The following PDE4B variants were observed in gnomAD, a reference collection of about 807,000 sequenced individuals.
The protein encoded by PDE4B is 3',5'-cyclic-AMP phosphodiesterase 4B.
Under a neutral mutation model 82.2 loss-of-function variants are expected in PDE4B, and 20 were observed. The observed-to-expected ratio is 0.24, with a 90% confidence interval of 0.17 to 0.35. The LOEUF is 0.35. Among genes scored for constraint, PDE4B ranks in the 10% least tolerant of loss-of-function variants. The pLI is 1.00. For synonymous variants in PDE4B, 320 were observed against 318.9 expected, an observed-to-expected ratio of 1.00 and a Z score of -0.04; for missense variants, 655 against 907.2, an observed-to-expected ratio of 0.72 and a Z score of 3.57.
At chr1:66,152,509 C>T in intron 3 of PDE4B, 1 of 326,210 alleles carries the variant, frequency 3.1e-6, no homozygotes, top group South Asian at 2.5e-5. Flanking sequence ...AGTCATGGTT[C>T]TCCAGAGAAA....
chr1:66,129,464 C>T (rs1228905696), intron 3 of PDE4B, among the ~76,000 whole-genome samples: 11 of 150,936 alleles, frequency 7.3e-5, no homozygotes, highest in Admixed American at 3.3e-4. Context: ...GAGACCATCC[C>T]GGCTAAAACG....
rs1391552194 is a variant in PDE4B, at chr1:66,208,429, G to T, written c.282-39031G>T. Among the ~76,000 whole-genome samples the T allele has an allele frequency of 2.0e-5, 3 of 152,210 alleles. No individual in the cohort carries two copies. The South Asian group carries it at 6.2e-4, about 32-fold the overall frequency. Reference sequence around the variant, plus strand: ...CTAACTGTTCTAGCTACACCAGCCAGTTCTAGAGAGGTACCCATGGAGGTT... The same window carrying T: ...CTAACTGTTCTAGCTACACCAGCCATTTCTAGAGAGGTACCCATGGAGGTT... On this transcript the variant is annotated intron_variant, in intron 3 of 16. Transcript: ENST00000341517.
intron 7 of PDE4B, among the ~76,000 whole-genome samples, chr1:66,279,780 T>TA: frequency 6.6e-6 from 1 of 152,168 alleles, no homozygotes. Context: ...AGGCAGTAAT[T>TA]AATGCTGCAG....
At chr1:66,015,777 T>G (rs1299613169) in intron 3 of PDE4B, among the ~76,000 whole-genome samples, 1 of 151,992 alleles carries the variant, frequency 6.6e-6, no homozygotes. Flanking sequence ...GGGTGTTTGA[T>G]TAGAACTTCT....
At chr1:65,829,841 C>T (rs1279636016) in intron 1 of PDE4B, among the ~76,000 whole-genome samples, 2 of 152,082 alleles carry the variant, frequency 1.3e-5, no homozygotes, top group Admixed American at 6.6e-5. Context: ...GATGTTGGTA[C>T]GATCTCATGT....
chr1:65,875,007 A>G (rs1470652347), intron 1 of PDE4B, among the ~76,000 whole-genome samples: 3 of 150,698 alleles, frequency 2.0e-5, no homozygotes, highest in Non-Finnish European at 4.5e-5. Flanking sequence ...ATCAGAGTGA[A>G]CAGGCAACCT....
chr1:65,967,912 A>G (rs114486701), intron 3 of PDE4B, among the ~76,000 whole-genome samples: 1,762 of 152,138 alleles, frequency 0.012, 34 homozygotes, highest in African/African-American at 0.04. Flanking sequence ...GAGAAATACT[A>G]ATGTAGATAA....
chr1:65,958,824 T>C (rs1025603731), intron 3 of PDE4B, among the ~76,000 whole-genome samples: 13 of 152,342 alleles, frequency 8.5e-5, no homozygotes, highest in African/African-American at 3.1e-4. Flanking sequence ...ACCTGTTTTA[T>C]CTGCAGTTGT....
At chr1:65,895,306 T>C (rs1646896906) in intron 1 of PDE4B, among the ~76,000 whole-genome samples, 1 of 152,054 alleles carries the variant, frequency 6.6e-6, no homozygotes, top group East Asian at 1.9e-4. Context: ...TACCAGCACT[T>C]TGGGGGGCCG....
intron 3 of PDE4B, among the ~76,000 whole-genome samples, chr1:66,066,526 A>C (rs1444638108): frequency 6.6e-6 from 1 of 151,940 alleles, no homozygotes; most frequent in African/African-American, 2.4e-5. Context: ...GCTCTATTGA[A>C]ATGTTAATGC....
Position 66,257,644 on chromosome 1 carries a change from C to G in PDE4B, c.477-3C>G. 1 of 1,613,010 alleles carries G rather than the reference C, an allele frequency of 6.2e-7. No individual in the cohort carries two copies. Among genetic ancestry groups the G allele is most frequent in the Non-Finnish European group, 8.5e-7 (1 of 1,179,180 alleles). On this transcript the variant is annotated splice_polypyrimidine_tract_variant and splice_region_variant and intron_variant, in intron 4 of 16. Coordinates refer to ENST00000341517, the MANE Select transcript of PDE4B (RefSeq NM_002600.4). ...AAAGGTTCTTTTTTTCTCTTTTCAC[C>G]AGACACGGCGATGACTTGATTGTAA...
chr1:66,170,776 A>G (rs761879673), intron 3 of PDE4B, among the ~76,000 whole-genome samples: 8 of 152,200 alleles, frequency 5.3e-5, no homozygotes, highest in Non-Finnish European at 1.2e-4. Context: ...ACATGGAATT[A>G]TGGGTGGTGG....
intron 1 of PDE4B, among the ~76,000 whole-genome samples, chr1:65,848,438 C>T (rs776012333): frequency 7.3e-6 from 1 of 136,678 alleles, no homozygotes; most frequent in Non-Finnish European, 1.6e-5. Context: ...GCCACCACGC[C>T]TGGCCCAGCT....
At chr1:66,314,226 A>C (rs553431627) in intron 7 of PDE4B, among the ~76,000 whole-genome samples, 1 of 152,016 alleles carries the variant, frequency 6.6e-6, no homozygotes, top group African/African-American at 2.4e-5. Context: ...CAGGTTCCCA[A>C]CTCTAGCTAC....
At chr1:66,234,596 A>AT (rs575446195) in intron 3 of PDE4B, among the ~76,000 whole-genome samples, 7 of 151,796 alleles carry the variant, frequency 4.6e-5, no homozygotes, top group Non-Finnish European at 7.4e-5. Context: ...GCCTGGTATA[A>AT]TTTTTTTTAT....
At chr1:65,858,668 C>T (rs1646420497) in intron 1 of PDE4B, among the ~76,000 whole-genome samples, 1 of 151,950 alleles carries the variant, frequency 6.6e-6, no homozygotes, top group Non-Finnish European at 1.5e-5. Flanking sequence ...ACATTTTGGC[C>T]CTTCCTTTCA....
At chr1:66,293,114 C>T (rs1309570416) in intron 7 of PDE4B, among the ~76,000 whole-genome samples, 1 of 152,154 alleles carries the variant, frequency 6.6e-6, no homozygotes. Context: ...CATGGACACA[C>T]TAAAGCATCA....
At chr1:66,237,099 T>A (rs1030571173) in intron 3 of PDE4B, among the ~76,000 whole-genome samples, 1 of 152,196 alleles carries the variant, frequency 6.6e-6, no homozygotes, top group Non-Finnish European at 1.5e-5. Flanking sequence ...TAAGTACAAG[T>A]GGAAAGATTC....
At chr1:66,218,983 C>T (rs1161648605) in intron 3 of PDE4B, among the ~76,000 whole-genome samples, 2 of 151,968 alleles carry the variant, frequency 1.3e-5, no homozygotes, top group Non-Finnish European at 2.9e-5. Flanking sequence ...TTATTTCTGC[C>T]AACAGTATTT....
Sources: gnomAD v4.1 joint callset for allele counts (sites outside exome capture counted in the v4.1 genomes callset) on GRCh38, gnomAD v4.1.1 for gene constraint, MANE v1.5 for transcripts, NCBI Gene and HGNC (gene_info 2026-07-23, HGNC 2026-07-21) for gene names.